NLRP12: variants seen among roughly 807,000 people sequenced by gnomAD.
NLRP12 encodes NACHT, LRR and PYD domains-containing protein 12.
A neutral mutation model predicts 91.2 loss-of-function variants in NLRP12; 108 were observed. That is an observed-to-expected ratio of 1.18 (90% confidence interval 1.01 to 1.39). The LOEUF (loss-of-function observed/expected upper bound fraction) is 1.39. Ranked by LOEUF, NLRP12 falls within the 40% of genes most tolerant of loss-of-function variation. NLRP12 has a pLI of 0.00. For missense variants in NLRP12, 1,530 were observed against 1,352.7 expected, an observed-to-expected ratio of 1.13 and a Z score of -2.06; for synonymous variants, 613 against 566.7, an observed-to-expected ratio of 1.08 and a Z score of -1.16.
chr19:53,804,930 T>G (rs2091933455), intron 5 of NLRP12, among the ~76,000 whole-genome samples: 1 of 151,934 alleles, frequency 6.6e-6, no homozygotes, highest in Admixed American at 6.6e-5. Context: ...CTTGGGAGCC[T>G]GAGGCAGGAG....
chr19:53,821,815 G>A (rs781540417), intron 1 of NLRP12, among the ~76,000 whole-genome samples: 4 of 152,102 alleles, frequency 2.6e-5, no homozygotes, highest in Non-Finnish European at 5.9e-5. Context: ...TGGCTTCAAG[G>A]TTTCAGTAAG....
chr19:53,810,819 C>T lies in NLRP12; in HGVS notation c.840G>A (p.Gln280=). ...GGCGCTCGGGAACTCGGATGAGCTC[C>T]TGGAGAGGCGCGCTGGGCTCAGGCC... ...SCWPEPSAPL[Q]ELIRVPERLL... The change falls in exon 3 of 10, where the codon CAG becomes CAA. Residue 280 remains glutamine, a synonymous_variant. Coordinates refer to ENST00000324134, the MANE Select transcript of NLRP12 (RefSeq NM_144687.4). The T allele has an allele frequency of 6.2e-7, 1 of 1,614,130 alleles. No individual in the cohort carries two copies. The highest frequency in any genetic ancestry group is 8.5e-7 in the Non-Finnish European group (1 of 1,180,030).
At chr19:53,815,136 G>C in intron 1 of NLRP12, 148 bp from the exon 2 acceptor site, 2 of 700,362 alleles carry the variant, frequency 2.9e-6, no homozygotes, top group East Asian at 5.4e-5. Context: ...GGCCGTGTGT[G>C]GGAAATAGCT....
chr19:53,809,836 T>TGCTGCAGGGTTTGAGTTTGAGACG lies in NLRP12; in HGVS notation c.1822_1823insCGTCTCAAACTCAAACCCTGCAGC (p.Gln607_Gln608insProSerGlnThrGlnThrLeuGln), dbSNP rs770391706. 1 of 1,614,128 alleles carries TGCTGCAGGGTTTGAGTTTGAGACG rather than the reference T, an allele frequency of 6.2e-7. No individual in the cohort carries two copies. The highest frequency in any genetic ancestry group is 1.1e-5 in the South Asian group (1 of 91,088). ...GCAGCTGAAGAACTCCAAGGAGCCC[T>TGCTGCAGGGTTTGAGTTTGAGACG]GCTGCAGGGTGGAGCCGTCGCTCTG... On this transcript the variant is annotated inframe_insertion, in exon 3 of 10. Transcript: ENST00000324134.
chr19:53,822,599 A>T (rs1040421963), intron 1 of NLRP12, among the ~76,000 whole-genome samples: 1 of 151,912 alleles, frequency 6.6e-6, no homozygotes, highest in Non-Finnish European at 1.5e-5. Context: ...TTAGCCAGGC[A>T]TGGTGGCAGG....
chr19:53,811,400 G>A, intron 2 of NLRP12, 112 bp from the exon 3 acceptor site: 1 of 1,252,408 alleles, frequency 8.0e-7, no homozygotes, highest in East Asian at 2.3e-5. Context: ...TGTAGTTCCA[G>A]CTACTCAGGA....
intron 1 of NLRP12, among the ~76,000 whole-genome samples, chr19:53,821,036 T>TC (rs2092258346): frequency 7.8e-6 from 1 of 127,726 alleles, no homozygotes; most frequent in East Asian, 2.3e-4. Flanking sequence ...TTTTTCTTTT[T>TC]TTTTTTTTTT....
Position 53,794,085 on chromosome 19 carries a change from A to C in NLRP12, c.3150T>G (p.Leu1050=). The change falls in exon 10 of 10, where the codon CTT becomes CTG. Residue 1050 remains leucine (L), a synonymous_variant. Transcript: ENST00000324134. ...NKMTHSRLAA[L]RVTKPYLDIG... Reference sequence around the variant, plus strand: ...TGTCCAAATAAGGTTTTGTTACTCGAAGCGCTGCCAACCTACTGTGGGTCA... The same window carrying C: ...TGTCCAAATAAGGTTTTGTTACTCGCAGCGCTGCCAACCTACTGTGGGTCA... The C allele has an allele frequency of 6.2e-7, 1 of 1,613,990 alleles. No individual in the cohort carries two copies. Among genetic ancestry groups the C allele is most frequent in the Non-Finnish European group, 8.5e-7 (1 of 1,179,954 alleles).
rs779333916 is a variant in NLRP12, at chr19:53,795,961, G to C, written c.2996C>G (p.Thr999Ser). The C allele has an allele frequency of 1.2e-6, 2 of 1,614,170 alleles. No individual in the cohort carries two copies. Among genetic ancestry groups the C allele is most frequent in the East Asian group, 2.2e-5 (1 of 44,866 alleles). Reference protein sequence around the residue: ...NLYFTLGINQTLTDLYLTNNA... With the variant: ...NLYFTLGINQSLTDLYLTNNA... ...GTTGGTCAGGTAAAGGTCGGTCAAG[G>C]TCTGGTTGATCCCCAGGGTGAAGTA... The change falls in exon 9 of 10, where the codon ACC becomes AGC. Residue 999 changes from threonine to serine, a missense_variant. By Grantham distance (58) the Thr-to-Ser change is moderately conservative. Transcript: ENST00000324134.
Position 53,810,051 on chromosome 19 carries a change from G to A in NLRP12, c.1608C>T (p.Gly536=). 6.2e-7 allele frequency: 1 copy of A among 1,614,084 alleles called. No individual in the cohort carries two copies. The highest frequency in any genetic ancestry group is 8.5e-7 in the Non-Finnish European group (1 of 1,179,994). The change falls in exon 3 of 10, where the codon GGC becomes GGT. Residue 536 remains glycine, a synonymous_variant. Transcript: ENST00000324134. ...YILDEGEGGA[G]PDQDVTRLLT... ...ACAGCCTGGTCACGTCCTGGTCTGG[G>A]CCTGCCCCGCCCTCCCCCTCGTCCA...
chr19:53,805,552 CT>C, intron 4 of NLRP12, 102 bp from the exon 5 acceptor site: 1 of 1,317,686 alleles, frequency 7.6e-7, no homozygotes, highest in African/African-American at 1.5e-5. Flanking sequence ...CAGAGTCGCT[CT>C]GTCACCCAGG....
In NLRP12 at chr19:53,810,856, A is replaced by T; in HGVS notation, c.803T>A (p.Ile268Asn). The change falls in exon 3 of 10, where the codon ATC becomes AAC. Residue 268 changes from isoleucine (I) to asparagine (N), a missense_variant. Coordinates refer to ENST00000324134, the MANE Select transcript of NLRP12 (RefSeq NM_144687.4). ...SATECSMQDL[I>N]FSCWPEPSAP... ...GCTGGGCTCAGGCCAGCAGCTGAAG[A>T]TGAGGTCTTGCATGCTGCATTCCGT... The T allele has an allele frequency of 6.2e-7, 1 of 1,614,046 alleles. No homozygotes were observed. Among genetic ancestry groups the T allele is most frequent in the Non-Finnish European group, 8.5e-7 (1 of 1,180,016 alleles).
chr19:53,809,896 T>C lies in NLRP12; in HGVS notation c.1763A>G (p.Lys588Arg). 6.2e-7 allele frequency: 1 copy of C among 1,614,106 alleles called. No homozygotes were observed. The highest frequency in any genetic ancestry group is 8.5e-7 in the Non-Finnish European group (1 of 1,180,026). Residue 588 changes from lysine to arginine, a missense_variant, in exon 3 of 10, where the codon AAG (lysine) becomes AGG (arginine). Lys to Arg is a conservative substitution (Grantham distance 26, BLOSUM62 2). Coordinates refer to ENST00000324134, the MANE Select transcript of NLRP12 (RefSeq NM_144687.4). ...SLCWKVSPHI[K>R]MDLLQWIQSK... is the part of the protein sequence containing the mutation. ...TTGGATCCACTGCAACAGGTCCATC[T>C]TGATGTGCGGCGAGACCTTCCAGCA... is the stretch of plus-strand genomic sequence containing the variant.
rs764833458 is a variant in NLRP12, at chr19:53,805,407, A to C, written c.2287T>G (p.Ser763Ala). 1 of 1,614,042 alleles carries C rather than the reference A, an allele frequency of 6.2e-7. No homozygotes were observed. Residue 763 changes from serine to alanine, a missense_variant, in exon 5 of 10, where the codon TCT (serine) becomes GCT (alanine). Transcript: ENST00000324134. ...TTCTTATTGGCTATGAGAGCTGCAG[A>C]GAGGTCCTCGCAGGCTGAGCTGGAG... ...RISSSACEDLSAALIANKNLT... is the reference protein window; with the variant it reads ...RISSSACEDLAAALIANKNLT...
At chr19:53,823,399 T>TATATTTAAA (rs1279197110) in intron 1 of NLRP12, among the ~76,000 whole-genome samples, 2 of 133,690 alleles carry the variant, frequency 1.5e-5, no homozygotes, top group Admixed American at 8.2e-5. Flanking sequence ...ATTTTAAATA[T>TATATTTAAA]ATATTTAAAA....
At chr19:53,823,848 C>T (rs753477417) in intron 1 of NLRP12, 38 bp downstream of exon 1, 2 of 1,611,862 alleles carry the variant, frequency 1.2e-6, no homozygotes, top group South Asian at 2.2e-5. Flanking sequence ...CTGGACCCGG[C>T]TGGCATTCTA....
chr19:53,817,108 G>A (rs981268191), intron 1 of NLRP12, among the ~76,000 whole-genome samples: 7 of 150,200 alleles, frequency 4.7e-5, no homozygotes, highest in South Asian at 2.1e-4. Flanking sequence ...TGGGTAACAC[G>A]GTGAAACCCC....
At chr19:53,801,591 T>C (rs916311991) in intron 6 of NLRP12, among the ~76,000 whole-genome samples, 194 bp from the exon 7 acceptor site, 1 of 151,574 alleles carries the variant, frequency 6.6e-6, no homozygotes, top group African/African-American at 2.4e-5. Flanking sequence ...TCGCTGGGAC[T>C]ACAAGCGTGT....
intron 7 of NLRP12, 31 bp downstream of exon 7, chr19:53,801,196 C>T: frequency 1.2e-6 from 2 of 1,609,584 alleles, no homozygotes; most frequent in Non-Finnish European, 1.7e-6. Flanking sequence ...TGGATTGGGA[C>T]TCCTAGCGTG....
Sources: allele counts gnomAD v4.1 joint callset (sites outside exome capture counted in the v4.1 genomes callset), GRCh38; gene constraint gnomAD v4.1.1; transcripts MANE v1.5; gene names NCBI Gene and HGNC (gene_info 2026-07-23, HGNC 2026-07-21).